THSD7A: variants seen among roughly 807,000 people sequenced by gnomAD.
THSD7A encodes thrombospondin type-1 domain-containing protein 7A.
In THSD7A, 96 loss-of-function variants were observed where a neutral mutation model predicts 231.3. The ratio of observed to expected loss-of-function variants is 0.41; its 90% CI spans 0.35 to 0.49. THSD7A has a LOEUF of 0.49. Among genes scored for constraint, THSD7A ranks in the 20% least tolerant of loss-of-function variants. The probability of loss-of-function intolerance (pLI) is 0.05; values close to 1 mark genes in which losing one functional copy is unlikely to be tolerated. For missense variants in THSD7A, 2,290 were observed against 2,070.2 expected (o/e 1.11, Z -2.06); for synonymous variants, 940 against 743.3 (o/e 1.26, Z -4.30).
intron 1 of THSD7A, among the ~76,000 whole-genome samples, chr7:11,695,526 T>A (rs536827341): frequency 1.3e-5 from 2 of 151,530 alleles, no homozygotes; most frequent in Admixed American, 1.3e-4. Flanking sequence ...AAATTGAGTA[T>A]CTAATCTGTC....
At chr7:11,402,695 C>T (rs1783447707) in intron 22 of THSD7A, among the ~76,000 whole-genome samples, 1 of 152,146 alleles carries the variant, frequency 6.6e-6, no homozygotes, top group Non-Finnish European at 1.5e-5. Context: ...TCTCAAAACC[C>T]TCCCTTGTGT....
intron 1 of THSD7A, among the ~76,000 whole-genome samples, chr7:11,715,185 A>G (rs1351516132): frequency 1.3e-5 from 2 of 151,488 alleles, no homozygotes; most frequent in Middle Eastern, 3.2e-3. Context: ...AATTCCATGT[A>G]GAAAAATCAT....
chr7:11,465,071 T>C (rs1785646371), intron 9 of THSD7A, among the ~76,000 whole-genome samples: 1 of 152,174 alleles, frequency 6.6e-6, no homozygotes, highest in African/African-American at 2.4e-5. Flanking sequence ...CTCATTTTAT[T>C]ATATGCGGTT....
At chr7:11,462,203 C>G in intron 9 of THSD7A, 60 bp from the exon 10 acceptor site, 2 of 1,573,608 alleles carry the variant, frequency 1.3e-6, no homozygotes, top group Non-Finnish European at 1.7e-6. Flanking sequence ...TCTCTAAATA[C>G]CAGTCTGTGT....
intron 1 of THSD7A, among the ~76,000 whole-genome samples, chr7:11,728,086 A>C (rs896571748): frequency 6.6e-6 from 1 of 151,988 alleles, no homozygotes; most frequent in African/African-American, 2.4e-5. Context: ...TGTAAAATGC[A>C]AGCTCTCAAG....
At position 11,741,224 on chromosome 7, in the gene THSD7A, A is replaced by T. The variant is rs187335053; in HGVS notation, c.190+90533T>A. On this transcript the variant is annotated intron_variant, in intron 1 of 27. Coordinates refer to ENST00000423059, the MANE Select transcript of THSD7A (RefSeq NM_015204.3). ...CCTCCCGAAGGTAAAAAATGTTTTC[A>T]CTATATTAGAGTACTTTGCTTTGTG... Among the ~76,000 whole-genome samples the T allele has an allele frequency of 1.1e-3, 166 of 152,052 alleles. 2 individuals carry two copies. The highest frequency in any genetic ancestry group is 3.8e-3 in the African/African-American group (157 of 41,536).
intron 1 of THSD7A, among the ~76,000 whole-genome samples, chr7:11,744,644 C>A (rs1782223158): frequency 6.9e-6 from 1 of 145,794 alleles, no homozygotes; most frequent in African/African-American, 2.5e-5. Context: ...TTCCTGTGTC[C>A]ATGTGTTCTC....
chr7:11,495,400 G>C (rs1431726155), intron 6 of THSD7A, among the ~76,000 whole-genome samples: 1 of 152,042 alleles, frequency 6.6e-6, no homozygotes, highest in African/African-American at 2.4e-5. Flanking sequence ...AAAGAAAGAA[G>C]AGAAATAAAC....
chr7:11,639,397 C>T (rs117521739), intron 1 of THSD7A, among the ~76,000 whole-genome samples: 20,175 of 152,128 alleles, frequency 0.13, 1,552 homozygotes, highest in Admixed American at 0.2. Flanking sequence ...GGGCCGGGCG[C>T]TGTGGCTCAT....
chr7:11,712,475 C>T (rs540936066), intron 1 of THSD7A, among the ~76,000 whole-genome samples: 4 of 151,102 alleles, frequency 2.6e-5, no homozygotes, highest in South Asian at 2.1e-4. Context: ...AAAACATTTA[C>T]CTCTGGAAAA....
At position 11,832,172 on chromosome 7, in the gene THSD7A, T is replaced by G; in HGVS notation, c.-226A>C. The G allele has an allele frequency of 3.2e-6, 1 of 313,720 alleles. No individual in the cohort carries two copies. Among genetic ancestry groups the G allele is most frequent in the Admixed American group, 5.0e-5 (1 of 19,904 alleles). 19.4% of individuals were successfully genotyped at this position (313,720 alleles called of 1,614,324 possible). On this transcript the variant is annotated 5_prime_UTR_variant, in exon 1 of 28. Coordinates refer to ENST00000423059, the MANE Select transcript of THSD7A (RefSeq NM_015204.3). ...CCGCCGCCGCCTCTGGCGGGGATGC[T>G]GCTGCCGCTGCCATTCCTCGCAGAA...
Position 11,831,164 on chromosome 7 carries a change from C to T in THSD7A, c.190+593G>A, listed in dbSNP as rs563229714. Among the ~76,000 whole-genome samples the T allele has an allele frequency of 5.9e-5, 9 of 152,280 alleles. No individual in the cohort carries two copies. Among genetic ancestry groups the T allele is most frequent in the East Asian group, 3.9e-4 (2 of 5,168 alleles). The stretch of plus-strand genomic sequence containing the variant: ...AAGGAAGGAAGAGAAAGTTTGAACC[C>T]AGACATCCTAAAAGTTGTACACTTT... On this transcript the variant is annotated intron_variant, in intron 1 of 27. Coordinates refer to ENST00000423059, the MANE Select transcript of THSD7A (RefSeq NM_015204.3). This position sits in a 1 kb window ranked among gnomAD's most constrained non-coding sequence, Gnocchi z 5.0.
At chr7:11,537,033 T>C (rs1788942947) in intron 6 of THSD7A, among the ~76,000 whole-genome samples, 1 of 150,942 alleles carries the variant, frequency 6.6e-6, no homozygotes. Context: ...ATGAGTCCTA[T>C]TCTCCAGTGG....
intron 25 of THSD7A, 33 bp from the exon 26 acceptor site, chr7:11,379,313 T>G: frequency 6.2e-7 from 1 of 1,603,872 alleles, no homozygotes; most frequent in Non-Finnish European, 8.5e-7. Flanking sequence ...ATACTAGCCA[T>G]GCAAGGAATC....
chr7:11,394,063 A>G (rs528492180), intron 23 of THSD7A, among the ~76,000 whole-genome samples: 103 of 152,310 alleles, frequency 6.8e-4, no homozygotes, highest in African/African-American at 2.0e-3. Context: ...ACACATAATC[A>G]TCCGATTCAC....
chr7:11,807,344 T>A (rs757224369), intron 1 of THSD7A, among the ~76,000 whole-genome samples: 1 of 152,134 alleles, frequency 6.6e-6, no homozygotes, highest in Non-Finnish European at 1.5e-5. Context: ...CTGGTAGCAA[T>A]AACACCCTGA....
intron 19 of THSD7A, chr7:11,410,475 G>T (rs1038882796): frequency 6.6e-6 from 1 of 152,120 alleles, no homozygotes; most frequent in African/African-American, 2.4e-5. Context: ...ATCTTGGTTG[G>T]TATTTGACCC....
intron 1 of THSD7A, among the ~76,000 whole-genome samples, chr7:11,802,383 T>G (rs1054925590): frequency 6.6e-6 from 1 of 152,098 alleles, no homozygotes; most frequent in Non-Finnish European, 1.5e-5. Flanking sequence ...AGACAAAAGT[T>G]TGAGAAACAA....
chr7:11,604,124 G>A (rs955195677), intron 2 of THSD7A, among the ~76,000 whole-genome samples: 4 of 152,014 alleles, frequency 2.6e-5, no homozygotes, highest in African/African-American at 9.7e-5. Context: ...GCCAGACACT[G>A]TTCTAATGTT....
Sources: gnomAD v4.1 joint callset for allele counts (sites outside exome capture counted in the v4.1 genomes callset) on GRCh38, gnomAD v4.1.1 for gene constraint, Gnocchi (gnomAD v3.1) non-coding constraint, MANE v1.5 for transcripts, NCBI Gene and HGNC (gene_info 2026-07-23, HGNC 2026-07-21) for gene names.